The following EPHA5 variants were observed in gnomAD, a reference collection of about 807,000 sequenced individuals.
EPHA5 encodes the protein EPH receptor A5, also known as ephrin type-A receptor 5.
EPHA5 carries 60 observed loss-of-function variants against 105.0 expected under a neutral mutation model. That is an observed-to-expected ratio of 0.57 (90% CI 0.46 to 0.71). The LOEUF (loss-of-function observed/expected upper bound fraction) is 0.71, where lower values mean the gene tolerates loss of function less well. EPHA5 is among the 30% of genes least tolerant of loss of function. The probability of loss-of-function intolerance (pLI) is 0.00; values close to 1 mark genes in which losing one functional copy is unlikely to be tolerated. For synonymous variants in EPHA5, 513 were observed against 449.1 expected, an observed-to-expected ratio of 1.14 and a Z score of -1.80; for missense variants, 1,218 against 1,274.7, an observed-to-expected ratio of 0.96 and a Z score of 0.68.
At chr4:65,357,728 A>G (rs1723438605) in intron 11 of EPHA5, among the ~76,000 whole-genome samples, 1 of 151,428 alleles carries the variant, frequency 6.6e-6, no homozygotes, top group Non-Finnish European at 1.5e-5. Flanking sequence ...TGCAAGATGA[A>G]AAAGTACTAA....
At chr4:65,343,453 T>C (rs1396860856) in intron 14 of EPHA5, among the ~76,000 whole-genome samples, 1 of 152,174 alleles carries the variant, frequency 6.6e-6, no homozygotes, top group Non-Finnish European at 1.5e-5. Flanking sequence ...CCTGCATGCC[T>C]TGGTAACGTA....
rs2149019047 is a variant in EPHA5, at chr4:65,414,344, G to A, written c.1627C>T (p.Arg543Cys). 2.5e-6 allele frequency: 4 copies of A among 1,613,960 alleles called. No individual in the cohort carries two copies. Among genetic ancestry groups the A allele is most frequent in the Non-Finnish European group, 3.4e-6 (4 of 1,179,910 alleles). ...AAGACACCATAGCCTGCTGCTGTAC[G>A]TGCTCGAATTTGGAAGACATAAACT... ...ASVYVFQIRA[R>C]TAAGYGVFSR... Residue 543 changes from arginine (R) to cysteine (C), a missense_variant, in exon 7 of 17, where the codon CGT becomes TGT. Around this residue, in one of 3 missense-constraint regions of EPHA5, gnomAD observed 971 missense variants for 1,013.5 expected, o/e 0.96. Coordinates refer to ENST00000613740, the MANE Select transcript of EPHA5 (RefSeq NM_001281766.3).
intron 3 of EPHA5, among the ~76,000 whole-genome samples, chr4:65,566,151 A>G (rs2149365663): frequency 6.6e-6 from 1 of 151,842 alleles, no homozygotes; most frequent in East Asian, 1.9e-4. Context: ...CCATTTTCTC[A>G]TGACTGTGTA....
rs149627524 is a variant in EPHA5 at position 65,665,517 on chromosome 4, G to C, written c.181+4045C>G. ...TTATAGAGCATAATAATATCAATAT[G>C]TTATAGTAAATAATGTTCTTATAGG... On this transcript the variant is annotated intron_variant, in intron 1 of 16. Coordinates refer to ENST00000613740, the MANE Select transcript of EPHA5 (RefSeq NM_001281766.3). Among the ~76,000 whole-genome samples the C allele has an allele frequency of 3.7e-3, 567 of 152,128 alleles. 5 individuals are homozygous for C. The highest frequency in any genetic ancestry group is 0.013 in the African/African-American group (552 of 41,534).
intron 8 of EPHA5, among the ~76,000 whole-genome samples, chr4:65,372,304 T>A (rs925536499): frequency 1.3e-5 from 2 of 152,018 alleles, no homozygotes; most frequent in South Asian, 2.1e-4. Context: ...CCTCATAAAA[T>A]AAATAAGCAT....
chr4:65,488,121 G>A (rs929184537), intron 5 of EPHA5, among the ~76,000 whole-genome samples: 16 of 152,198 alleles, frequency 1.1e-4, no homozygotes, highest in African/African-American at 3.9e-4. Context: ...CCTATGTCTT[G>A]ACCACCTGGA....
chr4:65,577,244 G>A (rs1741149747), intron 3 of EPHA5, among the ~76,000 whole-genome samples: 2 of 151,872 alleles, frequency 1.3e-5, no homozygotes, highest in African/African-American at 4.8e-5. Flanking sequence ...AATTTATATT[G>A]TATGTCAAAA....
At chr4:65,495,271 A>G in intron 4 of EPHA5, 117 bp downstream of exon 4, 1 of 1,153,202 alleles carries the variant, frequency 8.7e-7, no homozygotes, top group Non-Finnish European at 1.2e-6. Flanking sequence ...TATAGAGATG[A>G]TTAAACATTA....
At chr4:65,523,852 A>G (rs1734991055) in intron 3 of EPHA5, among the ~76,000 whole-genome samples, 1 of 151,912 alleles carries the variant, frequency 6.6e-6, no homozygotes, top group Non-Finnish European at 1.5e-5. Flanking sequence ...TCTTCTTCCA[A>G]CTTAGAACAA....
Position 65,609,518 on chromosome 4 carries a change from A to G in EPHA5, c.247-7214T>C, listed in dbSNP as rs182815151. On this transcript the variant is annotated intron_variant, in intron 2 of 16. Transcript: ENST00000613740. ...AATCACTTGAGAAACACAGAGATTA[A>G]AACTTTCAGGTTAATATTAATCTTT... 1.6e-3 allele frequency among the ~76,000 whole-genome samples: 248 copies of G among 152,288 alleles called. 2 individuals carry two copies. The highest frequency in any genetic ancestry group is 3.1e-4 in the Non-Finnish European group (21 of 68,004).
At chr4:65,383,648 G>C (rs184702850) in intron 8 of EPHA5, among the ~76,000 whole-genome samples, 1 of 151,958 alleles carries the variant, frequency 6.6e-6, no homozygotes, top group East Asian at 2.0e-4. Flanking sequence ...TCCTATTTTA[G>C]AAGACTTCAA....
rs561332759 is a variant in EPHA5, at chr4:65,621,815, T to C, written c.247-19511A>G. Among the ~76,000 whole-genome samples the C allele has an allele frequency of 9.0e-4, 137 of 152,230 alleles. 1 individual carries two copies. The highest frequency in any genetic ancestry group is 1.5e-3 in the Non-Finnish European group (103 of 67,984). ...TTTAATCCTGGGAATATTCTGGGTG[T>C]CTACTACTAGGCTGTATACATCTGC... On this transcript the variant is annotated intron_variant, in intron 2 of 16. Coordinates refer to ENST00000613740, the MANE Select transcript of EPHA5 (RefSeq NM_001281766.3).
intron 5 of EPHA5, among the ~76,000 whole-genome samples, chr4:65,440,615 A>T (rs913063228): frequency 6.6e-6 from 1 of 151,978 alleles, no homozygotes; most frequent in Non-Finnish European, 1.5e-5. Flanking sequence ...CACTTCAATT[A>T]AATAAGCTAA....
intron 2 of EPHA5, among the ~76,000 whole-genome samples, chr4:65,624,935 A>G (rs1034434524): frequency 1.3e-5 from 2 of 152,230 alleles, no homozygotes; most frequent in African/African-American, 4.8e-5. Flanking sequence ...GTCACATAGC[A>G]AAATAAAAGT....
At chr4:65,405,254 C>A (rs192368925) in intron 7 of EPHA5, among the ~76,000 whole-genome samples, 2 of 138,476 alleles carry the variant, frequency 1.4e-5, no homozygotes, top group African/African-American at 5.4e-5. Flanking sequence ...TATTTTTGTG[C>A]TGATAACTAA....
rs1378645094 is a variant in EPHA5 at position 65,549,660 on chromosome 4, AG to A, written c.910+51980del. Among the ~76,000 whole-genome samples the A allele has an allele frequency of 7.9e-5, 12 of 152,150 alleles. No individual in the cohort carries two copies. In the South Asian group the frequency reaches 2.1e-3, roughly 26 times the overall value. ...TAAAAACTGATTATTTACTGACAAA[AG>A]AAAAGACAAAAAATTGAATTAAAAT... On this transcript the variant is annotated intron_variant, in intron 3 of 16. Coordinates refer to ENST00000613740, the MANE Select transcript of EPHA5 (RefSeq NM_001281766.3).
chr4:65,421,758 G>A (rs1478318224), intron 5 of EPHA5, among the ~76,000 whole-genome samples: 1 of 152,158 alleles, frequency 6.6e-6, no homozygotes, highest in African/African-American at 2.4e-5. Context: ...ATTTGGTTTA[G>A]TTCACTGCTA....
chr4:65,583,716 C>A (rs1323485424), intron 3 of EPHA5, among the ~76,000 whole-genome samples: 2 of 151,544 alleles, frequency 1.3e-5, no homozygotes, highest in African/African-American at 4.8e-5. Flanking sequence ...GTGGTTATCA[C>A]CCTTCAGAAT....
chr4:65,423,834 G>A (rs1219247223), intron 5 of EPHA5, among the ~76,000 whole-genome samples: 8 of 151,874 alleles, frequency 5.3e-5, no homozygotes, highest in South Asian at 4.1e-4. Flanking sequence ...TCTGGGTGTT[G>A]AGTGTGTTTC....
Sources: gnomAD v4.1 joint callset for allele counts (sites outside exome capture counted in the v4.1 genomes callset) on GRCh38, gnomAD v4.1.1 for gene constraint, gnomAD v4.1.1 regional missense constraint, MANE v1.5 for transcripts, NCBI Gene and HGNC (gene_info 2026-07-23, HGNC 2026-07-21) for gene names.